Variants in NFILZ observed in about 807,000 individuals in gnomAD.
NFILZ encodes the protein NFIL3 like protein.
intron 2 of NFILZ, among the ~76,000 whole-genome samples, chr19:8,635,010 A>G (rs1392281665): frequency 5.3e-5 from 8 of 151,964 alleles, no homozygotes; most frequent in Non-Finnish European, 5.9e-5. Flanking sequence ...CACAACCTCA[A>G]TAGAAATACA....
chr19:8,656,369 T>C (rs77786860), intron 3 of NFILZ, among the ~76,000 whole-genome samples: 5,651 of 41,618 alleles, frequency 0.14, 81 homozygotes, highest in Non-Finnish European at 0.2. Flanking sequence ...AAGCCCACCT[T>C]CTCCCTGAAG....
chr19:8,663,707 G>GGTGTGTGTGTTT (rs2043043512), intron 3 of NFILZ, among the ~76,000 whole-genome samples: 1 of 50,116 alleles, frequency 2.0e-5, no homozygotes, highest in African/African-American at 1.2e-4. Flanking sequence ...AACAAGGTGT[G>GGTGTGTGTGTTT]GTGTGTGTGT....
intron 3 of NFILZ, among the ~76,000 whole-genome samples, chr19:8,652,189 G>T (rs2042967520): frequency 6.7e-6 from 1 of 149,612 alleles, no homozygotes; most frequent in Non-Finnish European, 1.5e-5. Flanking sequence ...TGCCAGCTCC[G>T]CTTCCCAGGT....
In NFILZ at chr19:8,636,380, G is replaced by A. The variant is rs539694953; in HGVS notation, c.-164+634G>A. Among the ~76,000 whole-genome samples the A allele has an allele frequency of 7.3e-5, 11 of 150,246 alleles. No individual in the cohort carries two copies. In the South Asian group the frequency reaches 1.5e-3, roughly 20 times the overall value. Reference sequence around the variant, plus strand: ...GGAGAAATGCTTGAACCTGGGAGGCGGAGGTTGCAGTGAGCCGAGATTGCG... The same window carrying A: ...GGAGAAATGCTTGAACCTGGGAGGCAGAGGTTGCAGTGAGCCGAGATTGCG... On this transcript the variant is annotated intron_variant, in intron 3 of 5. Coordinates refer to ENST00000691075, the MANE Select transcript of NFILZ (RefSeq NM_001378600.1).
intron 3 of NFILZ, among the ~76,000 whole-genome samples, chr19:8,647,793 GCGCACACACACA>G (rs1386360090): frequency 8.6e-4 from 60 of 69,652 alleles, no homozygotes; most frequent in African/African-American, 2.4e-3. Context: ...GCGCGCGCGC[GCGCACACACACA>G]CACACACACA....
chr19:8,674,751 T>G (rs2043103491), intron 4 of NFILZ, among the ~76,000 whole-genome samples, 151 bp downstream of exon 4: 1 of 152,172 alleles, frequency 6.6e-6, no homozygotes, highest in Non-Finnish European at 1.5e-5. Flanking sequence ...GGTTGTATAT[T>G]CCTTTATCCT....
At chr19:8,631,900 G>A (rs1337891105) in intron 1 of NFILZ, among the ~76,000 whole-genome samples, 1 of 147,132 alleles carries the variant, frequency 6.8e-6, no homozygotes, top group Non-Finnish European at 1.5e-5. Flanking sequence ...ATGGGGTTTC[G>A]CTCTTGTTGC....
intron 3 of NFILZ, among the ~76,000 whole-genome samples, chr19:8,658,046 G>A (rs782764287): frequency 6.6e-6 from 1 of 152,166 alleles, no homozygotes; most frequent in Non-Finnish European, 1.5e-5. Flanking sequence ...GAGAGGACCA[G>A]CCATGCAGAT....
chr19:8,650,653 CAAA>C (rs201551767), intron 3 of NFILZ, among the ~76,000 whole-genome samples: 29 of 108,312 alleles, frequency 2.7e-4, no homozygotes, highest in Admixed American at 3.8e-4. Context: ...GATTCTGTCT[CAAA>C]AAAAAAAAAA....
Position 8,676,735 on chromosome 19 carries a change from C to G in NFILZ, c.-15-16C>G, listed in dbSNP as rs1186817219. 6.6e-6 allele frequency: 1 copy of G among 152,422 alleles called. No homozygotes were observed. 9.4% of individuals were successfully genotyped at this position (152,422 alleles called of 1,614,324 possible). On this transcript the variant is annotated splice_polypyrimidine_tract_variant and intron_variant, in intron 5 of 5. Transcript: ENST00000691075. Reference sequence around the variant, plus strand: ...ACCCTTTGCCATTACTCCAAGAACTCTTTCCTTTTTCCCAGGTTCTCCAAG... The same window carrying G: ...ACCCTTTGCCATTACTCCAAGAACTGTTTCCTTTTTCCCAGGTTCTCCAAG...
At chr19:8,639,193 G>A (rs1345652390) in intron 3 of NFILZ, among the ~76,000 whole-genome samples, 1 of 152,062 alleles carries the variant, frequency 6.6e-6, no homozygotes, top group Non-Finnish European at 1.5e-5. Flanking sequence ...TTGGAGCAGA[G>A]TGATAGAAGG....
intron 3 of NFILZ, among the ~76,000 whole-genome samples, chr19:8,650,509 C>A (rs2146146775): frequency 6.6e-6 from 1 of 152,218 alleles, no homozygotes; most frequent in East Asian, 1.9e-4. Flanking sequence ...CAAAAATTAG[C>A]CGGGCGTGGT....
intron 3 of NFILZ, among the ~76,000 whole-genome samples, chr19:8,638,844 G>A (rs1600139315): frequency 7.4e-6 from 1 of 135,604 alleles, no homozygotes; most frequent in South Asian, 2.4e-4. Context: ...TTACTTTGCT[G>A]TTTTTTTTTT....
At chr19:8,653,042 C>CTTTCTTTCTT (rs2042975704) in intron 3 of NFILZ, among the ~76,000 whole-genome samples, 9 of 28,256 alleles carry the variant, frequency 3.2e-4, no homozygotes, top group Non-Finnish European at 5.0e-4. Flanking sequence ...CTTTCTTTCT[C>CTTTCTTTCTT]TCTCTCTCTC....
At chr19:8,635,354 C>G (rs1447313663) in intron 2 of NFILZ, among the ~76,000 whole-genome samples, 1 of 149,828 alleles carries the variant, frequency 6.7e-6, no homozygotes, top group Non-Finnish European at 1.5e-5. Flanking sequence ...TACAGAATAC[C>G]TTTTTCCCTC....
In NFILZ at chr19:8,679,393, G is replaced by T. The variant is rs11085873; in HGVS notation, c.*1758G>T. Among the ~76,000 whole-genome samples the T allele has an allele frequency of 0.21, 31,490 of 151,748 alleles. 3,505 individuals carry two copies. Among genetic ancestry groups the T allele is most frequent in the South Asian group, 0.35 (1,691 of 4,800 alleles). On this transcript the variant is annotated 3_prime_UTR_variant, in exon 6 of 6. Transcript: ENST00000691075. Reference sequence around the variant, plus strand: ...ATGGGATGGGGGGCTCATCTGGACTGGTACTGACACTGAGAACCAGATGCC... The same window carrying T: ...ATGGGATGGGGGGCTCATCTGGACTTGTACTGACACTGAGAACCAGATGCC...
In NFILZ at chr19:8,647,748, A is replaced by AACACACAC. The variant is rs138740763; in HGVS notation, c.-164+12017_-164+12024dup. Among the ~76,000 whole-genome samples the AACACACAC allele has an allele frequency of 1.0e-3, 142 of 137,140 alleles. 2 individuals carry two copies. The highest frequency in any genetic ancestry group is 4.0e-3 in the Middle Eastern group (1 of 248). 90.0% of individuals were successfully genotyped at this position (137,140 alleles called of 152,430 possible). A position where few individuals can be genotyped will look rare whatever the true frequency, so the allele number is the denominator to read the frequency against. On this transcript the variant is annotated intron_variant, in intron 3 of 5. Transcript: ENST00000691075. ...AACACATGGACACAGGGAGGGGAAC[A>AACACACAC]ACACACACACACACACACACACGCA...
chr19:8,636,416 C>G (rs2042894779), intron 3 of NFILZ, among the ~76,000 whole-genome samples: 1 of 146,654 alleles, frequency 6.8e-6, no homozygotes, highest in Non-Finnish European at 1.5e-5. Context: ...CCATTGCACT[C>G]CAGCCTGGGC....
chr19:8,666,787 G>A (rs1216662732), intron 3 of NFILZ, among the ~76,000 whole-genome samples: 2 of 152,066 alleles, frequency 1.3e-5, no homozygotes, highest in Non-Finnish European at 2.9e-5. Context: ...AGGCTAGAGT[G>A]CAGTGGTGTG....
Sources: gnomAD v4.1 joint callset for allele counts (sites outside exome capture counted in the v4.1 genomes callset) on GRCh38, gnomAD v4.1.1 for gene constraint, MANE v1.5 for transcripts, NCBI Gene and HGNC (gene_info 2026-07-23, HGNC 2026-07-21) for gene names.